CCND3: variants seen among roughly 807,000 people sequenced by gnomAD.
CCND3 encodes G1/S-specific cyclin-D3.
A neutral mutation model predicts 28.7 loss-of-function variants in CCND3; 9 were observed. The ratio of observed to expected loss-of-function variants is 0.31; its 90% CI spans 0.19 to 0.55. The LOEUF is 0.55. CCND3 is among the 20% of genes least tolerant of loss of function. The pLI is 0.93. For synonymous variants in CCND3, 164 were observed against 163.9 expected (o/e 1.00, Z 0.00); for missense variants, 315 against 385.8 (o/e 0.82, Z 1.54).
intron 1 of CCND3, among the ~76,000 whole-genome samples, chr6:41,975,498 C>T (rs530911783): frequency 2.4e-4 from 37 of 152,314 alleles, no homozygotes; most frequent in African/African-American, 8.7e-4. Flanking sequence ...GGCACACCCC[C>T]ACGGCCACAT....
intron 1 of CCND3, among the ~76,000 whole-genome samples, chr6:42,011,307 T>G (rs1207543829): frequency 6.6e-6 from 1 of 152,132 alleles, no homozygotes; most frequent in Non-Finnish European, 1.5e-5. Context: ...AATTTATTTG[T>G]AGAGACGGGA....
At chr6:41,957,874 A>G (rs543580117) in intron 1 of CCND3, among the ~76,000 whole-genome samples, 17 of 151,984 alleles carry the variant, frequency 1.1e-4, no homozygotes, top group African/African-American at 3.9e-4. Context: ...TTTTTTGCAG[A>G]GATGGGGTCT....
At chr6:42,026,466 G>T (rs1382861574) in intron 1 of CCND3, among the ~76,000 whole-genome samples, 5 of 152,102 alleles carry the variant, frequency 3.3e-5, no homozygotes, top group African/African-American at 1.2e-4. Flanking sequence ...TAGCCAAGGG[G>T]GTTCTGGTCC....
intron 1 of CCND3, among the ~76,000 whole-genome samples, chr6:41,983,369 C>CA (rs1418315259): frequency 0.015 from 880 of 59,502 alleles, 7 homozygotes; most frequent in African/African-American, 0.047. Flanking sequence ...GACTCTGTCT[C>CA]AAAAAAAAAA....
rs1775751076 is a variant in CCND3 at position 41,935,619 on chromosome 6, G to C, written c.*321C>G. The C allele has an allele frequency of 8.5e-6, 4 of 470,392 alleles. No homozygotes were observed. The highest frequency in any genetic ancestry group is 4.8e-5 in the South Asian group (1 of 20,626). The allele number at this position is 470,392 out of a possible 1,614,324, so 29.1% of individuals were successfully genotyped here. A position where few individuals can be genotyped will look rare whatever the true frequency, so the allele number is the denominator to read the frequency against. On this transcript the variant is annotated 3_prime_UTR_variant, in exon 5 of 5. Coordinates refer to ENST00000372991, the MANE Select transcript of CCND3 (RefSeq NM_001760.5). ...GAAAACATGAGAGCCCCCAGGGGTG[G>C]GGGGGGGCGTTCAAAAGGAATGCTG...
rs1298336020 is a variant in CCND3 at position 41,935,926 on chromosome 6, G to A, written c.*14C>T. ...TCCTCTGCTTAGTGGCCACTCCAGA[G>A]GGCCTCTCCAGGGCTACAGGTGTAT... On this transcript the variant is annotated 3_prime_UTR_variant, in exon 5 of 5. Coordinates refer to ENST00000372991, the MANE Select transcript of CCND3 (RefSeq NM_001760.5). 7.5e-6 allele frequency: 12 copies of A among 1,601,870 alleles called. No homozygotes were observed. Among genetic ancestry groups the A allele is most frequent in the Non-Finnish European group, 1.0e-5 (12 of 1,174,630 alleles).
chr6:41,998,654 A>C (rs921550831), intron 1 of CCND3, among the ~76,000 whole-genome samples: 1 of 150,040 alleles, frequency 6.7e-6, no homozygotes, highest in Non-Finnish European at 1.5e-5. Context: ...TAGCACTTAC[A>C]TCATGCCAGT....
chr6:41,942,005 A>G (rs906095182), upstream of CCND3, among the ~76,000 whole-genome samples: 2 of 152,004 alleles, frequency 1.3e-5, no homozygotes, highest in Non-Finnish European at 2.9e-5. Context: ...CACCGGGTGC[A>G]GAGAACTTTC....
In CCND3 at chr6:41,938,016, G is replaced by GCT. The variant is rs1450529758; in HGVS notation, c.415-623_415-622insAG. On this transcript the variant is annotated intron_variant, in intron 2 of 4. Coordinates refer to ENST00000372991, the MANE Select transcript of CCND3 (RefSeq NM_001760.5). This position sits in a 1 kb window ranked among gnomAD's most constrained non-coding sequence, Gnocchi z 4.6. ...TAGGATATCAGGGATGGGTCCTGAG[G>GCT]TATAGCACCCCACCCCACCCCCTTT... 6.5e-6 allele frequency: 1 copy of GCT among 154,364 alleles called. No homozygotes were observed. Among genetic ancestry groups the GCT allele is most frequent in the Non-Finnish European group, 1.4e-5 (1 of 69,548 alleles). 9.6% of individuals were successfully genotyped at this position (154,364 alleles called of 1,614,324 possible).
chr6:41,972,542 C>T (rs910043890), intron 1 of CCND3, among the ~76,000 whole-genome samples: 2 of 152,106 alleles, frequency 1.3e-5, no homozygotes, highest in Admixed American at 1.3e-4. Context: ...CCTCTTAAAG[C>T]CTCCTTTTCC....
chr6:42,009,642 A>AAAC (rs571699572), intron 1 of CCND3, among the ~76,000 whole-genome samples: 105 of 151,766 alleles, frequency 6.9e-4, no homozygotes, highest in African/African-American at 2.4e-3. Context: ...AAACAAAACA[A>AAAC]AAACACACAA....
intron 1 of CCND3, among the ~76,000 whole-genome samples, chr6:42,000,564 C>CTTT (rs774090777): frequency 0.17 from 14,844 of 84,834 alleles, 2,351 homozygotes; most frequent in East Asian, 0.35. Flanking sequence ...TGAAACGAAT[C>CTTT]TTTTTTTTTT....
rs1217613601 is a variant in CCND3 at position 41,947,296 on chromosome 6, T to C, written c.-45-6711A>G. On this transcript the variant is annotated intron_variant, in intron 1 of 4. Coordinates refer to the CCND3 transcript ENST00000372988. ...CCCAACACAGCACTTTAGGCAGCAC[T>C]ACCAAATCAGAGTTGGTGTGAACTG... Among the ~76,000 whole-genome samples the C allele has an allele frequency of 2.0e-5, 3 of 152,130 alleles. No individual in the cohort carries two copies. The East Asian group carries it at 5.8e-4, about 29-fold the overall frequency.
At chr6:41,970,945 T>G (rs1236902089) in intron 1 of CCND3, among the ~76,000 whole-genome samples, 1 of 151,258 alleles carries the variant, frequency 6.6e-6, no homozygotes, top group Non-Finnish European at 1.5e-5. Flanking sequence ...TGAGACAGAG[T>G]CTTGCTCTGT....
intron 1 of CCND3, among the ~76,000 whole-genome samples, chr6:41,999,045 T>C (rs1454013680): frequency 3.3e-5 from 5 of 152,090 alleles, no homozygotes; most frequent in African/African-American, 1.2e-4. Context: ...TATCCTTATA[T>C]TACTGATGAG....
chr6:41,935,264 C>G lies in CCND3; in HGVS notation c.*676G>C, dbSNP rs1582078339. The G allele has an allele frequency of 8.6e-6, 2 of 233,648 alleles. No homozygotes were observed. Among genetic ancestry groups the G allele is most frequent in the East Asian group, 1.2e-4 (2 of 16,608 alleles). 14.5% of individuals were successfully genotyped at this position (233,648 alleles called of 1,614,324 possible). A position where few individuals can be genotyped will look rare whatever the true frequency, so the allele number is the denominator to read the frequency against. On this transcript the variant is annotated 3_prime_UTR_variant, in exon 5 of 5. Coordinates refer to ENST00000372991, the MANE Select transcript of CCND3 (RefSeq NM_001760.5). ...ACCACTTGTGGGATGGCCAGGACCC[C>G]ATTATGTCCTCTTAAAGTTGTGCTC... is the stretch of plus-strand genomic sequence containing the variant.
At chr6:41,989,274 C>A (rs921836956) in intron 1 of CCND3, among the ~76,000 whole-genome samples, 5 of 151,576 alleles carry the variant, frequency 3.3e-5, no homozygotes, top group African/African-American at 1.2e-4. Context: ...GCCTGGCCAA[C>A]ATGGTGAAAC....
chr6:41,984,235 AAC>A, intron 1 of CCND3, among the ~76,000 whole-genome samples: 1 of 152,368 alleles, frequency 6.6e-6, no homozygotes, highest in East Asian at 1.9e-4. Context: ...AATTGGGAAT[AAC>A]ACTGCTATGA....
chr6:41,987,195 C>T (rs1186772223), intron 1 of CCND3, among the ~76,000 whole-genome samples: 1 of 151,928 alleles, frequency 6.6e-6, no homozygotes. Context: ...CGCACTCATT[C>T]CTCTCTTTTG....
Sources: allele counts gnomAD v4.1 joint callset (sites outside exome capture counted in the v4.1 genomes callset), GRCh38; gene constraint gnomAD v4.1.1; non-coding constraint Gnocchi (gnomAD v3.1); transcripts MANE v1.5; gene names NCBI Gene and HGNC (gene_info 2026-07-23, HGNC 2026-07-21).